TRAPPC9: variants seen among roughly 807,000 people sequenced by gnomAD.
The protein encoded by TRAPPC9 is trafficking protein particle complex subunit 9, also known as IKK2 binding protein.
TRAPPC9 carries 83 observed loss-of-function variants against 124.0 expected under a neutral mutation model. That is an observed-to-expected ratio of 0.67 (90% confidence interval 0.56 to 0.80). The LOEUF is 0.80. TRAPPC9 is among the 30% of genes least tolerant of loss of function. The pLI is 0.00. For missense variants in TRAPPC9, 1,302 were observed against 1,508.3 expected, an observed-to-expected ratio of 0.86 and a Z score of 2.27; for synonymous variants, 638 against 617.5, an observed-to-expected ratio of 1.03 and a Z score of -0.49.
chr8:140,166,484 C>A (rs7828166), intron 17 of TRAPPC9, among the ~76,000 whole-genome samples: 4,437 of 152,286 alleles, frequency 0.029, 62 homozygotes, highest in African/African-American at 0.038. Flanking sequence ...GGAGTCAGGA[C>A]TGTGAACACA....
chr8:140,457,554 C>G (rs1425314623), intron 1 of TRAPPC9, 85 bp downstream of exon 1: 67 of 964,002 alleles, frequency 7.0e-5, no homozygotes, highest in Non-Finnish European at 8.0e-5. Context: ...CTCCGCGGGA[C>G]GCGCCGACTC....
chr8:139,855,807 G>C (rs111429211), intron 21 of TRAPPC9, among the ~76,000 whole-genome samples: 1 of 152,200 alleles, frequency 6.6e-6, no homozygotes, highest in Non-Finnish European at 1.5e-5. Context: ...CTTGATGCGT[G>C]GTTTATAAAG....
chr8:140,404,383 T>C (rs1439411170), intron 6 of TRAPPC9, among the ~76,000 whole-genome samples: 1 of 152,180 alleles, frequency 6.6e-6, no homozygotes, highest in African/African-American at 2.4e-5. Context: ...TAAGGCAAGC[T>C]GTGAAATCTT....
chr8:140,393,032 TTTTTA>T (rs200195467), intron 7 of TRAPPC9, among the ~76,000 whole-genome samples: 56,099 of 137,742 alleles, frequency 0.41, 11,490 homozygotes, highest in East Asian at 0.51. Flanking sequence ...TCCCATTTTA[TTTTTA>T]TTTTATTTTA....
chr8:140,316,995 G>C (rs2066459953), intron 9 of TRAPPC9, among the ~76,000 whole-genome samples: 1 of 152,102 alleles, frequency 6.6e-6, no homozygotes, highest in African/African-American at 2.4e-5. Context: ...AGGTCACTGA[G>C]TTTGTTGGCA....
chr8:140,103,763 G>A (rs951008176), intron 17 of TRAPPC9, among the ~76,000 whole-genome samples: 16 of 152,120 alleles, frequency 1.1e-4, no homozygotes, highest in Admixed American at 2.6e-4. Flanking sequence ...AGATACACAC[G>A]ACTATTCTTT....
intron 21 of TRAPPC9, among the ~76,000 whole-genome samples, chr8:139,837,073 T>G (rs1346359280): frequency 1.3e-5 from 2 of 152,176 alleles, no homozygotes; most frequent in East Asian, 3.9e-4. Context: ...TAATAGTCTA[T>G]GCACCGGTGG....
At chr8:140,085,369 G>C (rs1213940730) in intron 17 of TRAPPC9, among the ~76,000 whole-genome samples, 2 of 149,250 alleles carry the variant, frequency 1.3e-5, no homozygotes, top group Non-Finnish European at 3.0e-5. Flanking sequence ...GGAAACCACT[G>C]GTCTAGACTG....
At position 139,949,888 on chromosome 8, in the gene TRAPPC9, T is replaced by A. The variant is rs148701131; in HGVS notation, c.2810+38838A>T. Among the ~76,000 whole-genome samples the A allele has an allele frequency of 2.7e-3, 415 of 152,242 alleles. 5 individuals are homozygous for A. Among genetic ancestry groups the A allele is most frequent in the African/African-American group, 9.3e-3 (385 of 41,554 alleles). On this transcript the variant is annotated intron_variant, in intron 19 of 22. Coordinates refer to ENST00000438773, the MANE Select transcript of TRAPPC9 (RefSeq NM_001160372.4). ...AATGAGTTAACGAGCTGTAAATAGG[T>A]GCATCAAAGGATATGTTAATTACAT...
intron 17 of TRAPPC9, among the ~76,000 whole-genome samples, chr8:140,048,545 C>T (rs1313067043): frequency 6.6e-6 from 1 of 152,058 alleles, no homozygotes; most frequent in Non-Finnish European, 1.5e-5. Context: ...CCAAGAGCTC[C>T]ATGGAACAGA....
At chr8:140,001,039 A>T (rs1838358338) in intron 18 of TRAPPC9, among the ~76,000 whole-genome samples, 1 of 152,240 alleles carries the variant, frequency 6.6e-6, no homozygotes, top group African/African-American at 2.4e-5. Flanking sequence ...ATACCATGGA[A>T]TACTATGCAG....
intron 1 of TRAPPC9, among the ~76,000 whole-genome samples, chr8:140,454,106 T>G (rs2071565713): frequency 6.6e-6 from 1 of 151,598 alleles, no homozygotes. Flanking sequence ...CTGGTCAACA[T>G]GACAAAACCC....
At chr8:140,129,956 G>T (rs772106913) in intron 17 of TRAPPC9, among the ~76,000 whole-genome samples, 3 of 152,212 alleles carry the variant, frequency 2.0e-5, no homozygotes, top group Non-Finnish European at 4.4e-5. Flanking sequence ...CCCCAACTGT[G>T]GCTTCGGAGG....
At chr8:139,765,944 G>A (rs188824510) in intron 21 of TRAPPC9, among the ~76,000 whole-genome samples, 2 of 152,324 alleles carry the variant, frequency 1.3e-5, no homozygotes, top group Non-Finnish European at 1.5e-5. Context: ...CTGACCTCAC[G>A]CTGCTGGGGC....
intron 5 of TRAPPC9, among the ~76,000 whole-genome samples, chr8:140,420,948 C>T (rs770804218): frequency 1.5e-4 from 23 of 152,198 alleles, no homozygotes; most frequent in Non-Finnish European, 3.4e-4. Context: ...CTAGAAATTA[C>T]AGCCCCAGCC....
intron 21 of TRAPPC9, among the ~76,000 whole-genome samples, chr8:139,876,524 G>A (rs1047982090): frequency 6.6e-6 from 1 of 152,218 alleles, no homozygotes; most frequent in African/African-American, 2.4e-5. Context: ...ACCAGGATCT[G>A]TGTAAACAAC....
chr8:140,415,931 AC>A (rs758065306), intron 5 of TRAPPC9, among the ~76,000 whole-genome samples: 2 of 152,130 alleles, frequency 1.3e-5, no homozygotes, highest in Non-Finnish European at 2.9e-5. Context: ...ATTGCACTCT[AC>A]CCTGGGCGAC....
intron 17 of TRAPPC9, among the ~76,000 whole-genome samples, chr8:140,147,470 T>G (rs971601584): frequency 3.2e-4 from 49 of 152,316 alleles, no homozygotes; most frequent in African/African-American, 1.2e-3. Context: ...TGGCCGGCAC[T>G]GGAAAGGTGA....
intron 16 of TRAPPC9, among the ~76,000 whole-genome samples, chr8:140,246,999 A>G (rs1470694349): frequency 6.6e-6 from 1 of 152,030 alleles, no homozygotes; most frequent in East Asian, 1.9e-4. Flanking sequence ...AAAAAAAATT[A>G]CTTTTGCATA....
Sources: allele counts gnomAD v4.1 joint callset (sites outside exome capture counted in the v4.1 genomes callset), GRCh38; gene constraint gnomAD v4.1.1; transcripts MANE v1.5; gene names NCBI Gene and HGNC (gene_info 2026-07-23, HGNC 2026-07-21).